Variants in DGKI observed in about 807,000 individuals in gnomAD.
DGKI encodes DAG kinase iota.
A neutral mutation model predicts 147.5 loss-of-function variants in DGKI; 55 were observed. That is an observed-to-expected ratio of 0.37 (90% CI 0.30 to 0.47). The LOEUF is 0.47. Among genes scored for constraint, DGKI ranks in the 20% least tolerant of loss-of-function variants. DGKI has a pLI of 1.00. For missense variants in DGKI, 1,007 were observed against 1,323.8 expected, an observed-to-expected ratio of 0.76 and a Z score of 3.71; for synonymous variants, 469 against 477.1, an observed-to-expected ratio of 0.98 and a Z score of 0.22.
At chr7:137,691,809 T>TTTTTTTTTTTTTTG (rs1290595066) in intron 1 of DGKI, among the ~76,000 whole-genome samples, 2 of 141,002 alleles carry the variant, frequency 1.4e-5, no homozygotes, top group African/African-American at 5.6e-5. Context: ...TTTTTTTTTT[T>TTTTTTTTTTTTTTG]TTTTTTTTTT....
intron 23 of DGKI, among the ~76,000 whole-genome samples, chr7:137,472,200 T>G (rs1814944241): frequency 9.2e-6 from 1 of 108,772 alleles, no homozygotes; most frequent in South Asian, 2.6e-4. Context: ...ATAAATATTA[T>G]ATACATACAC....
intron 10 of DGKI, among the ~76,000 whole-genome samples, chr7:137,601,801 C>T (rs373267823): frequency 6.6e-6 from 1 of 152,170 alleles, no homozygotes; most frequent in South Asian, 2.1e-4. Context: ...CATTGTTACT[C>T]CTGTTGTTAC....
chr7:137,492,705 C>T (rs1815812819), intron 21 of DGKI, among the ~76,000 whole-genome samples: 1 of 152,096 alleles, frequency 6.6e-6, no homozygotes, highest in Admixed American at 6.5e-5. Flanking sequence ...CCAGGGATAC[C>T]CATCCCCAAG....
intron 1 of DGKI, among the ~76,000 whole-genome samples, chr7:137,842,935 A>G (rs183252460): frequency 2.6e-5 from 4 of 152,310 alleles, no homozygotes; most frequent in African/African-American, 9.6e-5. Context: ...GCATACACAT[A>G]TGCACACATG....
intron 12 of DGKI, among the ~76,000 whole-genome samples, chr7:137,592,282 C>T (rs1819643716): frequency 1.3e-5 from 2 of 152,214 alleles, no homozygotes. Flanking sequence ...CAACTTATTG[C>T]ACTTGGTATA....
chr7:137,541,666 T>A (rs1296102136), intron 20 of DGKI, among the ~76,000 whole-genome samples: 3 of 152,132 alleles, frequency 2.0e-5, no homozygotes, highest in African/African-American at 7.2e-5. Flanking sequence ...GAAAAGATAA[T>A]TTTTTCATAA....
chr7:137,768,086 G>C (rs538698199), intron 1 of DGKI, among the ~76,000 whole-genome samples: 1 of 152,132 alleles, frequency 6.6e-6, no homozygotes, highest in South Asian at 2.1e-4. Context: ...CTACATATAT[G>C]AGGAAGCTAC....
At chr7:137,751,950 T>C (rs1360520429) in intron 1 of DGKI, among the ~76,000 whole-genome samples, 2 of 152,216 alleles carry the variant, frequency 1.3e-5, no homozygotes, top group African/African-American at 4.8e-5. Flanking sequence ...CATCACTTTA[T>C]TAATTATGTC....
At chr7:137,419,850 T>C (rs1812496105) in intron 28 of DGKI, among the ~76,000 whole-genome samples, 1 of 152,128 alleles carries the variant, frequency 6.6e-6, no homozygotes, top group African/African-American at 2.4e-5. Flanking sequence ...CTACTGAAGG[T>C]TTTTAACATA....
chr7:137,763,258 C>G (rs1461869643), intron 1 of DGKI, among the ~76,000 whole-genome samples: 2 of 152,236 alleles, frequency 1.3e-5, no homozygotes, highest in Non-Finnish European at 2.9e-5. Flanking sequence ...ATGATGCTAT[C>G]TGACTATCTG....
rs1165667718 is a variant in DGKI at position 137,384,167 on chromosome 7, A to G, written c.*7053T>C. The G allele has an allele frequency of 3.9e-5, 6 of 152,066 alleles. No individual in the cohort carries two copies. The highest frequency in any genetic ancestry group is 3.9e-4 in the Admixed American group (6 of 15,230). 9.4% of individuals were successfully genotyped at this position (152,066 alleles called of 1,614,324 possible). On this transcript the variant is annotated 3_prime_UTR_variant, in exon 33 of 33. Transcript: ENST00000614521. ...TAATAGTGACTTCAAAGGAAGAAAA[A>G]TAGGACTAACATTTTTTAAATGCTG...
At chr7:137,412,141 G>T (rs757359482) in intron 29 of DGKI, 29 bp downstream of exon 29, 3 of 1,605,646 alleles carry the variant, frequency 1.9e-6, no homozygotes, top group Non-Finnish European at 2.6e-6. Context: ...TTAAAGCATC[G>T]CCAAAGATTT....
At chr7:137,824,540 A>AAG (rs1798000707) in intron 1 of DGKI, among the ~76,000 whole-genome samples, 1 of 150,030 alleles carries the variant, frequency 6.7e-6, no homozygotes, top group Non-Finnish European at 1.5e-5. Context: ...GAAAAAGAAA[A>AAG]GAAAATGGAA....
rs909688438 is a variant in DGKI at position 137,385,208 on chromosome 7, G to A, written c.*6012C>T. The A allele has an allele frequency of 6.6e-6, 1 of 151,992 alleles. No homozygotes were observed. Among genetic ancestry groups the A allele is most frequent in the Non-Finnish European group, 1.5e-5 (1 of 67,934 alleles). 9.4% of individuals were successfully genotyped at this position (151,992 alleles called of 1,614,324 possible). A position where few individuals can be genotyped will look rare whatever the true frequency, so the allele number is the denominator to read the frequency against. On this transcript the variant is annotated 3_prime_UTR_variant, in exon 33 of 33. Coordinates refer to ENST00000614521, the MANE Select transcript of DGKI (RefSeq NM_001321708.2). ...ATTTTTAATTAAATTACACCTTTTA[G>A]TATGTTTTCTTTTGACTAGCTCTTA...
At chr7:137,716,685 A>G (rs945532296) in intron 1 of DGKI, among the ~76,000 whole-genome samples, 11 of 152,182 alleles carry the variant, frequency 7.2e-5, no homozygotes, top group Non-Finnish European at 1.5e-5. Flanking sequence ...TTCTCTCCTC[A>G]AGTCCCAAAT....
intron 20 of DGKI, among the ~76,000 whole-genome samples, chr7:137,522,742 C>G (rs1018626680): frequency 6.6e-6 from 1 of 152,062 alleles, no homozygotes. Flanking sequence ...TTTTCTTAAG[C>G]GATATTTTGA....
intron 20 of DGKI, among the ~76,000 whole-genome samples, chr7:137,528,360 G>A (rs1817225163): frequency 6.6e-6 from 1 of 152,172 alleles, no homozygotes; most frequent in African/African-American, 2.4e-5. Flanking sequence ...TGAACTACCT[G>A]TTCTTCAATT....
intron 28 of DGKI, among the ~76,000 whole-genome samples, chr7:137,421,513 T>C (rs1291602991): frequency 6.6e-6 from 1 of 152,214 alleles, no homozygotes; most frequent in Non-Finnish European, 1.5e-5. Flanking sequence ...TAGTGTTCCC[T>C]CCTGGCAGAA....
intron 27 of DGKI, among the ~76,000 whole-genome samples, chr7:137,451,907 C>A (rs1364444480): frequency 6.6e-6 from 1 of 151,756 alleles, no homozygotes; most frequent in East Asian, 1.9e-4. Flanking sequence ...TTAAAAGCAC[C>A]CATGGCCTTC....
Sources: gnomAD v4.1 joint callset for allele counts (sites outside exome capture counted in the v4.1 genomes callset) on GRCh38, gnomAD v4.1.1 for gene constraint, MANE v1.5 for transcripts, NCBI Gene and HGNC (gene_info 2026-07-23, HGNC 2026-07-21) for gene names.